HS3ST4: variants seen among roughly 807,000 people sequenced by gnomAD.
HS3ST4 encodes the protein heparan sulfate-glucosamine 3-sulfotransferase 4.
HS3ST4 carries 17 observed loss-of-function variants against 29.2 expected under a neutral mutation model. That is an observed-to-expected ratio of 0.58 (90% confidence interval 0.40 to 0.87). The LOEUF (loss-of-function observed/expected upper bound fraction) is 0.87. Among genes scored for constraint, HS3ST4 ranks in the 40% least tolerant of loss-of-function variants. The probability of loss-of-function intolerance (pLI) is 0.00; values close to 1 mark genes in which losing one functional copy is unlikely to be tolerated. For synonymous variants in HS3ST4, 314 were observed against 285.7 expected (o/e 1.10, Z -1.00); for missense variants, 627 against 634.5 (o/e 0.99, Z 0.13).
At chr16:26,124,420 A>G (rs963460731) in intron 1 of HS3ST4, among the ~76,000 whole-genome samples, 7 of 152,190 alleles carry the variant, frequency 4.6e-5, no homozygotes, top group Non-Finnish European at 1.0e-4. Context: ...CTAATAAGCA[A>G]TTGTATATAG....
chr16:26,089,996 C>G (rs1372486995), intron 1 of HS3ST4, among the ~76,000 whole-genome samples: 1 of 152,104 alleles, frequency 6.6e-6, no homozygotes, highest in Non-Finnish European at 1.5e-5. Context: ...TATTTTCACT[C>G]TTTTAATTAT....
intron 1 of HS3ST4, among the ~76,000 whole-genome samples, chr16:25,759,493 G>A (rs1204011611): frequency 6.6e-6 from 1 of 152,230 alleles, no homozygotes; most frequent in African/African-American, 2.4e-5. Context: ...CAGGAAAGGC[G>A]AGGGCCACAG....
At chr16:25,737,728 C>T (rs888308029) in intron 1 of HS3ST4, among the ~76,000 whole-genome samples, 3 of 152,134 alleles carry the variant, frequency 2.0e-5, no homozygotes, top group African/African-American at 7.2e-5. Context: ...GTACCCCTTA[C>T]AAGTATACAA....
chr16:25,968,614 A>T (rs766425430), intron 1 of HS3ST4, among the ~76,000 whole-genome samples: 8 of 152,170 alleles, frequency 5.3e-5, no homozygotes, highest in Non-Finnish European at 8.8e-5. Context: ...TTCTAGATCC[A>T]GTTTGTCTGG....
chr16:26,129,569 C>G (rs1182892578), intron 1 of HS3ST4, among the ~76,000 whole-genome samples: 1 of 152,188 alleles, frequency 6.6e-6, no homozygotes, highest in Non-Finnish European at 1.5e-5. Flanking sequence ...ATGAGAGTCA[C>G]TCTTCAAGAT....
At chr16:26,129,598 C>G (rs1388395662) in intron 1 of HS3ST4, among the ~76,000 whole-genome samples, 1 of 152,192 alleles carries the variant, frequency 6.6e-6, no homozygotes, top group Non-Finnish European at 1.5e-5. Flanking sequence ...ATTTCATCCT[C>G]TCAAACTCCC....
chr16:25,845,117 T>C (rs1967451626), intron 1 of HS3ST4, among the ~76,000 whole-genome samples: 1 of 152,108 alleles, frequency 6.6e-6, no homozygotes. Context: ...ATCTAGGTGA[T>C]GGGTTGATAG....
intron 1 of HS3ST4, among the ~76,000 whole-genome samples, chr16:25,989,142 G>A (rs1262393946): frequency 1.3e-5 from 2 of 152,190 alleles, no homozygotes; most frequent in Non-Finnish European, 2.9e-5. Context: ...TTTGAATCTG[G>A]CTTGAACAGT....
intron 1 of HS3ST4, among the ~76,000 whole-genome samples, chr16:25,740,197 G>A (rs1034480260): frequency 5.9e-5 from 9 of 152,050 alleles, no homozygotes; most frequent in African/African-American, 2.4e-5. Flanking sequence ...GACTACCGTC[G>A]TGGCAATGGC....
chr16:25,790,971 C>A (rs752059951), intron 1 of HS3ST4, among the ~76,000 whole-genome samples: 1 of 151,980 alleles, frequency 6.6e-6, no homozygotes, highest in Non-Finnish European at 1.5e-5. Context: ...AAGACTTTAT[C>A]TCAAGGTTTT....
At chr16:25,924,647 G>A (rs1158652525) in intron 1 of HS3ST4, among the ~76,000 whole-genome samples, 4 of 152,080 alleles carry the variant, frequency 2.6e-5, no homozygotes, top group Non-Finnish European at 4.4e-5. Context: ...CTGCAAATAC[G>A]ACCTCTACCT....
intron 1 of HS3ST4, among the ~76,000 whole-genome samples, chr16:26,056,468 G>A (rs1462559438): frequency 1.3e-5 from 2 of 152,216 alleles, no homozygotes. Context: ...GATTGTGGCT[G>A]TGTGCTCCAC....
chr16:25,966,537 A>T (rs1482033881), intron 1 of HS3ST4, among the ~76,000 whole-genome samples: 1 of 152,124 alleles, frequency 6.6e-6, no homozygotes, highest in Non-Finnish European at 1.5e-5. Context: ...CTTCTTCTTC[A>T]TAGGTACCAT....
intron 1 of HS3ST4, among the ~76,000 whole-genome samples, chr16:25,963,263 CT>C (rs554551176): frequency 1.3e-5 from 2 of 151,714 alleles, no homozygotes; most frequent in East Asian, 3.9e-4. Flanking sequence ...CCACATCTGT[CT>C]TTTTTTTTCT....
At chr16:26,004,446 A>G (rs1474361279) in intron 1 of HS3ST4, among the ~76,000 whole-genome samples, 1 of 152,198 alleles carries the variant, frequency 6.6e-6, no homozygotes, top group Non-Finnish European at 1.5e-5. Context: ...TGTGTCCATC[A>G]AAGTGCAATC....
At chr16:25,889,820 G>T (rs1249834253) in intron 1 of HS3ST4, among the ~76,000 whole-genome samples, 1 of 152,086 alleles carries the variant, frequency 6.6e-6, no homozygotes, top group Non-Finnish European at 1.5e-5. Flanking sequence ...TTGAATCATT[G>T]GGGTGGGGTT....
chr16:25,933,617 A>G (rs772104893), intron 1 of HS3ST4, among the ~76,000 whole-genome samples: 2 of 152,202 alleles, frequency 1.3e-5, no homozygotes, highest in African/African-American at 4.8e-5. Flanking sequence ...TTGCATTGCT[A>G]TAAAGGAATA....
chr16:26,038,101 T>C (rs1022737261), intron 1 of HS3ST4, among the ~76,000 whole-genome samples: 9 of 152,122 alleles, frequency 5.9e-5, no homozygotes, highest in African/African-American at 2.2e-4. Context: ...CTTGCCACTC[T>C]CCTGTGGCTT....
At chr16:25,756,104 T>G (rs375853059) in intron 1 of HS3ST4, among the ~76,000 whole-genome samples, 5 of 149,980 alleles carry the variant, frequency 3.3e-5, no homozygotes, top group African/African-American at 1.2e-4. Context: ...CTAGGTGGTG[T>G]TATAGAAACA....
Sources: allele counts gnomAD v4.1 joint callset (sites outside exome capture counted in the v4.1 genomes callset), GRCh38; gene constraint gnomAD v4.1.1; transcripts MANE v1.5; gene names NCBI Gene and HGNC (gene_info 2026-07-23, HGNC 2026-07-21).